The following GABRB1 variants were observed in gnomAD, a reference collection of about 807,000 sequenced individuals.
GABRB1 encodes gamma-aminobutyric acid type A receptor subunit beta1.
In GABRB1, 17 loss-of-function variants were observed where a neutral mutation model predicts 51.6. The observed-to-expected ratio is 0.33, with a 90% CI of 0.23 to 0.49. The LOEUF (loss-of-function observed/expected upper bound fraction) is 0.49, where lower values mean the gene tolerates loss of function less well. Ranked by LOEUF, GABRB1 falls within the 20% of genes least tolerant of loss-of-function variation. GABRB1 has a pLI of 0.99. For missense variants in GABRB1, 410 were observed against 600.6 expected, an observed-to-expected ratio of 0.68 and a Z score of 3.32; for synonymous variants, 247 against 218.9, an observed-to-expected ratio of 1.13 and a Z score of -1.14.
chr4:47,377,009 A>G (rs1727406047), intron 5 of GABRB1, among the ~76,000 whole-genome samples: 2 of 151,030 alleles, frequency 1.3e-5, no homozygotes, highest in African/African-American at 2.5e-5. Flanking sequence ...GTATTTATTT[A>G]TCCATCTCCC....
At chr4:47,274,421 A>T (rs1722999139) in intron 4 of GABRB1, among the ~76,000 whole-genome samples, 1 of 152,106 alleles carries the variant, frequency 6.6e-6, no homozygotes, top group Non-Finnish European at 1.5e-5. Context: ...GGAATCTCAC[A>T]ATTATTTTAG....
At chr4:47,022,831 CA>C (rs1047594937) in intron 1 of GABRB1, among the ~76,000 whole-genome samples, 2 of 151,900 alleles carry the variant, frequency 1.3e-5, no homozygotes, top group Non-Finnish European at 2.9e-5. Flanking sequence ...GGTATTTATC[CA>C]AAAGAAAGAA....
intron 3 of GABRB1, among the ~76,000 whole-genome samples, chr4:47,156,668 C>T (rs908765213): frequency 6.7e-6 from 1 of 149,430 alleles, no homozygotes; most frequent in African/African-American, 2.5e-5. Flanking sequence ...TTAAAAAAAA[C>T]ATATATATGT....
At chr4:47,274,832 G>T (rs1000388680) in intron 4 of GABRB1, among the ~76,000 whole-genome samples, 5 of 152,110 alleles carry the variant, frequency 3.3e-5, no homozygotes, top group Non-Finnish European at 7.4e-5. Flanking sequence ...CAGTGCTGCT[G>T]GCCAACTGTA....
At chr4:47,383,362 A>G (rs1405250644) in intron 5 of GABRB1, among the ~76,000 whole-genome samples, 1 of 152,202 alleles carries the variant, frequency 6.6e-6, no homozygotes, top group Non-Finnish European at 1.5e-5. Flanking sequence ...CAGGTCAGGG[A>G]CCACAACTTT....
chr4:47,235,489 C>T (rs1721299352), intron 4 of GABRB1, among the ~76,000 whole-genome samples: 1 of 151,064 alleles, frequency 6.6e-6, no homozygotes, highest in South Asian at 2.1e-4. Context: ...TCAGACGTTG[C>T]AGTGAGCCGA....
chr4:47,219,727 T>C (rs1023690473), intron 4 of GABRB1, among the ~76,000 whole-genome samples: 19 of 151,920 alleles, frequency 1.3e-4, no homozygotes, highest in African/African-American at 3.6e-4. Flanking sequence ...CACACCAACA[T>C]ATGTGGAATT....
At chr4:47,029,259 T>G (rs1725204637), upstream of GABRB1, among the ~76,000 whole-genome samples, 1 of 151,942 alleles carries the variant, frequency 6.6e-6, no homozygotes, top group African/African-American at 2.4e-5. Flanking sequence ...CAAAGAGTGG[T>G]ACAAAGTGTT....
intron 3 of GABRB1, among the ~76,000 whole-genome samples, chr4:47,123,894 A>AT (rs1167949773): frequency 1.2e-5 from 1 of 81,654 alleles, no homozygotes; most frequent in Non-Finnish European, 2.4e-5. Context: ...TATATATAAT[A>AT]TATAATATAT....
intron 3 of GABRB1, among the ~76,000 whole-genome samples, chr4:47,090,956 C>T (rs1036390340): frequency 7.2e-5 from 11 of 152,184 alleles, no homozygotes; most frequent in Admixed American, 5.9e-4. Flanking sequence ...ACTTCTTATA[C>T]TCTGGTGTTG....
intron 4 of GABRB1, among the ~76,000 whole-genome samples, chr4:47,301,870 C>T (rs1724276154): frequency 6.6e-6 from 1 of 152,084 alleles, no homozygotes; most frequent in Non-Finnish European, 1.5e-5. Flanking sequence ...TGTTGCTTTT[C>T]TATCATTTTT....
At chr4:47,039,463 A>C (rs1326168398) in intron 3 of GABRB1, among the ~76,000 whole-genome samples, 2 of 151,610 alleles carry the variant, frequency 1.3e-5, no homozygotes, top group Non-Finnish European at 2.9e-5. Flanking sequence ...TCCAATCATG[A>C]AGTGAAGATT....
intron 4 of GABRB1, among the ~76,000 whole-genome samples, chr4:47,262,174 A>C (rs1360187125): frequency 6.6e-6 from 1 of 151,772 alleles, no homozygotes; most frequent in Non-Finnish European, 1.5e-5. Context: ...AATGGCAACA[A>C]AAGCCAAAAT....
At chr4:47,317,553 T>C (rs1724937693) in intron 4 of GABRB1, among the ~76,000 whole-genome samples, 1 of 151,994 alleles carries the variant, frequency 6.6e-6, no homozygotes, top group Admixed American at 6.6e-5. Context: ...GAAAGCATAG[T>C]GTTTTGTAAA....
chr4:47,107,951 C>T (rs373186850), intron 3 of GABRB1, among the ~76,000 whole-genome samples: 56 of 152,088 alleles, frequency 3.7e-4, no homozygotes, highest in African/African-American at 1.2e-3. Context: ...TTTATCAATA[C>T]TTCGTTTGAT....
At chr4:47,258,821 G>C (rs747823291) in intron 4 of GABRB1, among the ~76,000 whole-genome samples, 1 of 152,154 alleles carries the variant, frequency 6.6e-6, no homozygotes, top group Non-Finnish European at 1.5e-5. Context: ...AGTTGGAAAT[G>C]AATGATGCAA....
At chr4:47,365,417 C>A (rs1352657579) in intron 5 of GABRB1, among the ~76,000 whole-genome samples, 1 of 152,024 alleles carries the variant, frequency 6.6e-6, no homozygotes, top group Non-Finnish European at 1.5e-5. Flanking sequence ...CACCCTTTTT[C>A]AGGATAATTT....
intron 1 of GABRB1, chr4:46,994,479 TGTGTGAGA>T: frequency 6.7e-6 from 1 of 148,608 alleles, no homozygotes; most frequent in Non-Finnish European, 1.5e-5. Context: ...TGTGTGTGTG[TGTGTGAGA>T]GAGAGAGAGA....
chr4:47,370,242 A>C (rs746855460), intron 5 of GABRB1, among the ~76,000 whole-genome samples: 2 of 152,224 alleles, frequency 1.3e-5, no homozygotes, highest in Non-Finnish European at 2.9e-5. Context: ...TAATCTCAGC[A>C]CGTTGGGTGG....
Sources: allele counts gnomAD v4.1 joint callset (sites outside exome capture counted in the v4.1 genomes callset), GRCh38; gene constraint gnomAD v4.1.1; transcripts MANE v1.5; gene names NCBI Gene and HGNC (gene_info 2026-07-23, HGNC 2026-07-21).